PGR: variants seen among roughly 807,000 people sequenced by gnomAD.
PGR encodes the protein progesterone receptor.
A neutral mutation model predicts 76.1 loss-of-function variants in PGR; 25 were observed. The ratio of observed to expected loss-of-function variants is 0.33; its 90% CI spans 0.24 to 0.46. The LOEUF is 0.46. Ranked by LOEUF, PGR falls within the 20% of genes least tolerant of loss-of-function variation. The pLI, the probability that PGR is intolerant of heterozygous loss-of-function variation, is 1.00. For synonymous variants in PGR, 579 were observed against 535.0 expected (o/e 1.08, Z -1.14); for missense variants, 1,172 against 1,225.3 (o/e 0.96, Z 0.65).
At chr11:101,127,109 C>T (rs1027860374) in intron 1 of PGR, 1 of 186,312 alleles carries the variant, frequency 5.4e-6, no homozygotes, top group Non-Finnish European at 1.1e-5. Flanking sequence ...CCTAGTGTGA[C>T]GCTGCACGTT....
At position 101,128,716 on chromosome 11, in the gene PGR, A is replaced by G; in HGVS notation, c.355T>C (p.Leu119=). The change falls in exon 1 of 8, where the codon TTG becomes CTG. Residue 119 remains leucine, a synonymous_variant. Coordinates refer to ENST00000325455, the MANE Select transcript of PGR (RefSeq NM_000926.4). ...GLLDSVLDTL[L]APSGPGQSQP... is the part of the protein sequence containing the mutation. Reference sequence around the variant, plus strand: ...CTCTGCCCGGGACCTGAGGGCGCCAACAGAGTGTCCAAGACACTGTCCAGC... The same window carrying G: ...CTCTGCCCGGGACCTGAGGGCGCCAGCAGAGTGTCCAAGACACTGTCCAGC... The G allele has an allele frequency of 6.2e-7, 1 of 1,611,096 alleles. No individual in the cohort carries two copies. The highest frequency in any genetic ancestry group is 8.5e-7 in the Non-Finnish European group (1 of 1,179,242).
At chr11:101,076,517 G>A (rs1167082981) in intron 3 of PGR, among the ~76,000 whole-genome samples, 1 of 151,946 alleles carries the variant, frequency 6.6e-6, no homozygotes, top group Admixed American at 6.6e-5. Flanking sequence ...ACATTAAAAA[G>A]TATGGCTTAT....
chr11:101,110,783 A>T (rs981819391), intron 2 of PGR, among the ~76,000 whole-genome samples: 2 of 152,132 alleles, frequency 1.3e-5, no homozygotes, highest in Non-Finnish European at 2.9e-5. Context: ...CAGTCTATGG[A>T]TATGGTAAAC....
At chr11:101,046,869 C>A (rs116797851) in intron 6 of PGR, among the ~76,000 whole-genome samples, 2 of 152,124 alleles carry the variant, frequency 1.3e-5, no homozygotes, top group South Asian at 4.1e-4. Flanking sequence ...CAGTATATCT[C>A]TTCTCCCATG....
chr11:101,093,705 C>T (rs543613281), intron 2 of PGR, among the ~76,000 whole-genome samples: 160 of 152,286 alleles, frequency 1.1e-3, no homozygotes, highest in African/African-American at 3.7e-3. Context: ...GTGATCTGCC[C>T]GCCTTGGCCT....
intron 2 of PGR, among the ~76,000 whole-genome samples, chr11:101,097,762 AT>A (rs1306549789): frequency 6.8e-6 from 1 of 146,852 alleles, no homozygotes; most frequent in Non-Finnish European, 1.5e-5. Context: ...TAACAAGATT[AT>A]TTCCAAGTGT....
chr11:101,128,423 G>A lies in PGR; in HGVS notation c.648C>T (p.Ala216=), dbSNP rs2135516650. The A allele has an allele frequency of 6.2e-7, 1 of 1,610,732 alleles. No homozygotes were observed. Among genetic ancestry groups the A allele is most frequent in the East Asian group, 2.2e-5 (1 of 44,846 alleles). The change falls in exon 1 of 8, where the codon GCC becomes GCT. Residue 216 remains alanine, a synonymous_variant. Coordinates refer to ENST00000325455, the MANE Select transcript of PGR (RefSeq NM_000926.4). ...SGAPVKPSPQ[A]AAVEVEEEDG... ...CCTCCTCCTCAACCTCCACCGCAGC[G>A]GCCTGCGGAGACGGCTTCACTGGGG...
chr11:101,073,546 C>T (rs775949041), intron 3 of PGR, among the ~76,000 whole-genome samples: 1 of 151,742 alleles, frequency 6.6e-6, no homozygotes, highest in Non-Finnish European at 1.5e-5. Flanking sequence ...AATCCAGGAG[C>T]TGGTTTTTTG....
At chr11:101,083,978 T>C (rs896092658) in intron 3 of PGR, among the ~76,000 whole-genome samples, 1 of 152,054 alleles carries the variant, frequency 6.6e-6, no homozygotes, top group Non-Finnish European at 1.5e-5. Flanking sequence ...AATGATATGG[T>C]TTGGCTCTGT....
intron 3 of PGR, among the ~76,000 whole-genome samples, chr11:101,078,668 G>A (rs992732588): frequency 2.0e-5 from 3 of 152,186 alleles, no homozygotes; most frequent in South Asian, 2.1e-4. Context: ...CATATGCAAC[G>A]AAGAAATCAA....
chr11:101,041,985 C>T lies in PGR; in HGVS notation c.2606G>A (p.Arg869His), dbSNP rs1450222910. 16 of 1,613,346 alleles carry T rather than the reference C, an allele frequency of 9.9e-6. No individual in the cohort carries two copies. Among genetic ancestry groups the T allele is most frequent in the African/African-American group, 1.3e-5 (1 of 74,858 alleles). ...RQKGVVSSSQ[R>H]FYQLTKLLDN... Reference sequence around the variant, plus strand: ...AAGAAGTTTTGTAAGTTGATAGAAACGCTGTGAGCTCGACACAACTCCTTT... The same window carrying T: ...AAGAAGTTTTGTAAGTTGATAGAAATGCTGTGAGCTCGACACAACTCCTTT... Residue 869 changes from arginine (R) to histidine (H), a missense_variant, in exon 7 of 8, where the codon CGT becomes CAT. Around this residue, in one of 4 missense-constraint regions of PGR, gnomAD observed 166 missense variants for 296.0 expected, o/e 0.56. Coordinates refer to ENST00000325455, the MANE Select transcript of PGR (RefSeq NM_000926.4).
chr11:101,084,930 C>T (rs966263422), intron 3 of PGR, among the ~76,000 whole-genome samples: 41 of 152,224 alleles, frequency 2.7e-4, no homozygotes, highest in African/African-American at 8.2e-4. Flanking sequence ...TAAATACATA[C>T]GCCCTCAACA....
At chr11:101,090,483 T>G (rs748808761) in intron 3 of PGR, among the ~76,000 whole-genome samples, 1 of 152,266 alleles carries the variant, frequency 6.6e-6, no homozygotes, top group African/African-American at 2.4e-5. Context: ...GTCTTTCTTC[T>G]GGCTCCGACA....
At chr11:101,113,118 A>T (rs184786966) in intron 2 of PGR, among the ~76,000 whole-genome samples, 1 of 152,226 alleles carries the variant, frequency 6.6e-6, no homozygotes. Context: ...ACAAAATCAA[A>T]TAACAGTGGA....
At chr11:101,044,094 A>G (rs1215879192) in intron 6 of PGR, among the ~76,000 whole-genome samples, 1 of 152,216 alleles carries the variant, frequency 6.6e-6, no homozygotes, top group Non-Finnish European at 1.5e-5. Flanking sequence ...TGTAGCTATG[A>G]AAGTCCTAGA....
At chr11:101,107,087 A>AATC (rs1862187014) in intron 2 of PGR, among the ~76,000 whole-genome samples, 1 of 152,176 alleles carries the variant, frequency 6.6e-6, no homozygotes, top group Admixed American at 6.5e-5. Context: ...GGGGAGAGAT[A>AATC]GCATTAGGAG....
Position 101,034,148 on chromosome 11 carries a change from A to T in PGR, c.*4968T>A. On this transcript the variant is annotated 3_prime_UTR_variant, in exon 8 of 8. Coordinates refer to ENST00000325455, the MANE Select transcript of PGR (RefSeq NM_000926.4). ...GTTAAAGCTTTCAACCAGCTTAAAA[A>T]TAATGCCTCTCCCATGTCTCCATGA... 1 of 228,684 alleles carries T rather than the reference A, an allele frequency of 4.4e-6. No individual in the cohort carries two copies. Among genetic ancestry groups the T allele is most frequent in the Non-Finnish European group, 8.7e-6 (1 of 115,102 alleles). 14.2% of individuals were successfully genotyped at this position (228,684 alleles called of 1,614,324 possible).
rs182882423 is a variant in PGR, at chr11:101,072,226, T to A, written c.1907-9474A>T. 8.0e-3 allele frequency among the ~76,000 whole-genome samples: 1,222 copies of A among 152,234 alleles called. 15 individuals carry two copies. Among genetic ancestry groups the A allele is most frequent in the African/African-American group, 0.026 (1,078 of 41,536 alleles). On this transcript the variant is annotated intron_variant, in intron 3 of 7. Coordinates refer to ENST00000325455, the MANE Select transcript of PGR (RefSeq NM_000926.4). ...CCCAGAATTTCATATCCAGCCAAAC[T>A]AAGCTTCATAAGCAAAGGAGAAATA...
At chr11:101,074,759 A>G (rs1286924300) in intron 3 of PGR, among the ~76,000 whole-genome samples, 1 of 152,176 alleles carries the variant, frequency 6.6e-6, no homozygotes, top group Non-Finnish European at 1.5e-5. Flanking sequence ...AGCTAGGAAT[A>G]CAAGTCACGA....
Sources: allele counts gnomAD v4.1 joint callset (sites outside exome capture counted in the v4.1 genomes callset), GRCh38; gene constraint gnomAD v4.1.1; regional missense constraint gnomAD v4.1.1; transcripts MANE v1.5; gene names NCBI Gene and HGNC (gene_info 2026-07-23, HGNC 2026-07-21).